Variants in SNTG1 observed in about 807,000 individuals in gnomAD.
SNTG1 encodes the protein syntrophin gamma 1, also known as gamma-1-syntrophin.
Under a neutral mutation model 74.7 loss-of-function variants are expected in SNTG1, and 39 were observed. The ratio of observed to expected loss-of-function variants is 0.52; its 90% CI spans 0.40 to 0.68. The LOEUF is 0.68. Among genes scored for constraint, SNTG1 ranks in the 30% least tolerant of loss-of-function variants. The pLI, the probability that SNTG1 is intolerant of heterozygous loss-of-function variation, is 0.00. For missense variants in SNTG1, 685 were observed against 609.5 expected (o/e 1.12, Z -1.30); for synonymous variants, 254 against 217.1 (o/e 1.17, Z -1.49).
intron 10 of SNTG1, among the ~76,000 whole-genome samples, chr8:50,534,960 A>G (rs926051354): frequency 2.0e-5 from 3 of 152,128 alleles, no homozygotes; most frequent in African/African-American, 7.2e-5. Context: ...TTCCATGTTT[A>G]GAAATAATTT....
At chr8:50,688,664 G>T (rs984414334) in intron 15 of SNTG1, among the ~76,000 whole-genome samples, 1 of 152,162 alleles carries the variant, frequency 6.6e-6, no homozygotes, top group East Asian at 1.9e-4. Context: ...CTGTAGCCTT[G>T]TAGTATAGTA....
chr8:49,968,977 G>A (rs1040643878), intron 1 of SNTG1, among the ~76,000 whole-genome samples: 2 of 152,198 alleles, frequency 1.3e-5, no homozygotes, highest in African/African-American at 4.8e-5. Context: ...AAGTAAAGGA[G>A]TCTGGATAAA....
chr8:50,647,746 T>C (rs2095119213), intron 13 of SNTG1, among the ~76,000 whole-genome samples: 1 of 152,216 alleles, frequency 6.6e-6, no homozygotes, highest in African/African-American at 2.4e-5. Flanking sequence ...TAATTTAAAG[T>C]GAACAAGCTT....
At chr8:50,459,734 T>C (rs1012926836) in intron 8 of SNTG1, among the ~76,000 whole-genome samples, 3 of 152,166 alleles carry the variant, frequency 2.0e-5, no homozygotes, top group Non-Finnish European at 4.4e-5. Flanking sequence ...GTACCCGATG[T>C]TTAGCTCCCA....
intron 2 of SNTG1, among the ~76,000 whole-genome samples, chr8:50,269,974 T>C (rs1273040173): frequency 6.6e-6 from 1 of 152,220 alleles, no homozygotes; most frequent in East Asian, 1.9e-4. Context: ...CTCCATGTGT[T>C]TTTAATTCTT....
At chr8:50,023,488 C>T (rs1452565992) in intron 1 of SNTG1, among the ~76,000 whole-genome samples, 2 of 152,072 alleles carry the variant, frequency 1.3e-5, no homozygotes, top group East Asian at 1.9e-4. Context: ...ACTTATTCTC[C>T]TTAAGGCGAT....
chr8:49,935,241 T>A (rs202174599), intron 1 of SNTG1, among the ~76,000 whole-genome samples: 1 of 98,348 alleles, frequency 1.0e-5, no homozygotes, highest in Non-Finnish European at 2.1e-5. Flanking sequence ...GTGTGTGTGT[T>A]TGTGTGTGTT....
chr8:50,211,796 A>G (rs2131915209), intron 2 of SNTG1, among the ~76,000 whole-genome samples: 1 of 152,314 alleles, frequency 6.6e-6, no homozygotes, highest in South Asian at 2.1e-4. Context: ...AAGAAGGTTT[A>G]CATTTGACAG....
At chr8:50,026,597 C>G (rs16914208) in intron 1 of SNTG1, among the ~76,000 whole-genome samples, 6,329 of 151,994 alleles carry the variant, frequency 0.042, 462 homozygotes, top group African/African-American at 0.14. Flanking sequence ...CAACAGAAAC[C>G]CAAAACCAAC....
intron 1 of SNTG1, among the ~76,000 whole-genome samples, chr8:50,120,368 A>C (rs1181214224): frequency 7.2e-6 from 1 of 139,410 alleles, no homozygotes; most frequent in Admixed American, 7.4e-5. Flanking sequence ...AATACTACCA[A>C]TATTACTACC....
At chr8:50,145,628 T>A (rs1306771737) in intron 1 of SNTG1, among the ~76,000 whole-genome samples, 1 of 152,174 alleles carries the variant, frequency 6.6e-6, no homozygotes. Flanking sequence ...GAGAAACTCA[T>A]GCTGACATAC....
intron 8 of SNTG1, among the ~76,000 whole-genome samples, chr8:50,492,613 G>A (rs1299795832): frequency 6.6e-6 from 1 of 152,132 alleles, no homozygotes; most frequent in Non-Finnish European, 1.5e-5. Context: ...ATTTGTTTAA[G>A]TTCTTTGTAG....
chr8:50,183,094 G>A (rs2083264991), intron 2 of SNTG1, among the ~76,000 whole-genome samples: 1 of 151,966 alleles, frequency 6.6e-6, no homozygotes. Context: ...GCTCCTCCTT[G>A]CTTTTCCTGA....
intron 8 of SNTG1, among the ~76,000 whole-genome samples, chr8:50,496,667 T>C (rs1164172675): frequency 1.3e-5 from 2 of 152,210 alleles, no homozygotes; most frequent in African/African-American, 2.4e-5. Context: ...ATTAAACACA[T>C]AAATATCTAT....
intron 18 of SNTG1, among the ~76,000 whole-genome samples, chr8:50,753,377 A>C (rs1315546577): frequency 6.6e-6 from 1 of 151,994 alleles, no homozygotes; most frequent in Non-Finnish European, 1.5e-5. Context: ...AGCACAGCAC[A>C]AATTTTAATA....
rs189981230 is a variant in SNTG1 at position 50,749,694 on chromosome 8, G to A, written c.1285-2307G>A. ...GAATTGTGCTAAATCTACCCTACCT[G>A]TACTCTAAATGGAATATTAAATCCT... On this transcript the variant is annotated intron_variant, in intron 17 of 18. Coordinates refer to ENST00000642720, the MANE Select transcript of SNTG1 (RefSeq NM_018967.5). Among the ~76,000 whole-genome samples, 425 of 152,056 alleles carry A rather than the reference G, an allele frequency of 2.8e-3. 4 individuals carry two copies. The highest frequency in any genetic ancestry group is 4.2e-3 in the Non-Finnish European group (288 of 67,948).
chr8:50,765,747 G>A (rs1268483721), intron 18 of SNTG1, among the ~76,000 whole-genome samples: 1 of 151,942 alleles, frequency 6.6e-6, no homozygotes, highest in Non-Finnish European at 1.5e-5. Flanking sequence ...AAAGTTGACA[G>A]TGGAAGTAAA....
chr8:50,792,623 A>G, intron 18 of SNTG1, 48 bp from the exon 19 acceptor site: 3 of 1,529,360 alleles, frequency 2.0e-6, no homozygotes, highest in Non-Finnish European at 2.6e-6. Flanking sequence ...TAAATTTTTA[A>G]AGACATTAAT....
chr8:50,150,306 G>A (rs1413449851), intron 1 of SNTG1, among the ~76,000 whole-genome samples: 1 of 152,018 alleles, frequency 6.6e-6, no homozygotes, highest in African/African-American at 2.4e-5. Flanking sequence ...GAGACGGTGG[G>A]GTTTTCTAAA....
Sources: allele counts gnomAD v4.1 joint callset (sites outside exome capture counted in the v4.1 genomes callset), GRCh38; gene constraint gnomAD v4.1.1; transcripts MANE v1.5; gene names NCBI Gene and HGNC (gene_info 2026-07-23, HGNC 2026-07-21).